Variants in GPAT4 observed in about 807,000 individuals in gnomAD.
GPAT4 encodes the protein 1-AGP acyltransferase 6.
Under a neutral mutation model 58.0 loss-of-function variants are expected in GPAT4, and 17 were observed. That is an observed-to-expected ratio of 0.29 (90% CI 0.20 to 0.44). The LOEUF is 0.44. Ranked by LOEUF, GPAT4 falls within the 20% of genes least tolerant of loss-of-function variation. The pLI is 1.00. For missense variants in GPAT4, 377 were observed against 574.5 expected, an observed-to-expected ratio of 0.66 and a Z score of 3.51; for synonymous variants, 204 against 210.1, an observed-to-expected ratio of 0.97 and a Z score of 0.25.
chr8:41,590,104 T>C (rs1802751442), intron 1 of GPAT4, among the ~76,000 whole-genome samples: 1 of 152,006 alleles, frequency 6.6e-6, no homozygotes, highest in Admixed American at 6.6e-5. Context: ...ACAAGTTCTG[T>C]AGAGCAGGCT....
chr8:41,590,965 A>G (rs1802773979), intron 1 of GPAT4, among the ~76,000 whole-genome samples: 1 of 151,980 alleles, frequency 6.6e-6, no homozygotes, highest in South Asian at 2.1e-4. Flanking sequence ...ATAGTCAAGA[A>G]CCCCTCAGAC....
chr8:41,599,115 G>GCTGGC lies in GPAT4; in HGVS notation c.-15_-11dup, dbSNP rs1563272878. 6.3e-7 allele frequency: 1 copy of GCTGGC among 1,596,760 alleles called. No individual in the cohort carries two copies. The highest frequency in any genetic ancestry group is 8.5e-7 in the Non-Finnish European group (1 of 1,173,948). ...GCAATTTGTTCTTAGGGAGGCAGGT[G>GCTGGC]CTGGCCTGGCCTGGATCTTCCACCA... On this transcript the variant is annotated 5_prime_UTR_variant, in exon 2 of 13. Transcript: ENST00000396987.
At chr8:41,580,650 G>A (rs1430803843) in intron 1 of GPAT4, among the ~76,000 whole-genome samples, 2 of 152,200 alleles carry the variant, frequency 1.3e-5, no homozygotes, top group East Asian at 1.9e-4. Context: ...TTATTTATAT[G>A]ATGACATAGT....
intron 1 of GPAT4, among the ~76,000 whole-genome samples, chr8:41,583,134 G>A (rs774607034): frequency 1.3e-5 from 2 of 152,010 alleles, no homozygotes; most frequent in Non-Finnish European, 2.9e-5. Context: ...GCTGAGGCAC[G>A]AGAATTGCTT....
chr8:41,585,991 T>TG (rs1288682815), intron 1 of GPAT4, among the ~76,000 whole-genome samples: 2 of 152,256 alleles, frequency 1.3e-5, no homozygotes, highest in East Asian at 3.8e-4. Flanking sequence ...ATTCACCTAA[T>TG]GAAAGTATGT....
chr8:41,580,948 C>T lies in GPAT4; in HGVS notation c.-849+2670C>T, dbSNP rs60166722. Reference sequence around the variant, plus strand: ...CTTTTCTTGTGTGTGCTTGTCACCACAAGTTAGCTTTTATTAAAAACAAAA... The same window carrying T: ...CTTTTCTTGTGTGTGCTTGTCACCATAAGTTAGCTTTTATTAAAAACAAAA... On this transcript the variant is annotated intron_variant, in intron 1 of 12. Coordinates refer to ENST00000396987, the MANE Select transcript of GPAT4 (RefSeq NM_178819.4). 2.4e-3 allele frequency among the ~76,000 whole-genome samples: 371 copies of T among 152,292 alleles called. 3 individuals are homozygous for T. Among genetic ancestry groups the T allele is most frequent in the African/African-American group, 8.4e-3 (351 of 41,548 alleles).
chr8:41,622,719 G>A lies in GPAT4; in HGVS notation c.*1718G>A, dbSNP rs561605442. On this transcript the variant is annotated 3_prime_UTR_variant, in exon 13 of 13. Transcript: ENST00000396987. ...AATCTCCTTTTCTCTGCACCTACCT[G>A]TGACCTCCCTGGGAGAGCCTCCCAT... 1 of 152,396 alleles carries A rather than the reference G, an allele frequency of 6.6e-6. No individual in the cohort carries two copies. Among genetic ancestry groups the A allele is most frequent in the South Asian group, 2.1e-4 (1 of 4,830 alleles). The allele number at this position is 152,396 out of a possible 1,614,324, so 9.4% of individuals were successfully genotyped here.
chr8:41,592,731 G>C (rs1239644514), intron 1 of GPAT4, among the ~76,000 whole-genome samples: 1 of 152,106 alleles, frequency 6.6e-6, no homozygotes. Flanking sequence ...GTTCATCATA[G>C]AAAGTTTGAA....
At position 41,599,271 on chromosome 8, in the gene GPAT4, A is replaced by G; in HGVS notation, c.132A>G (p.Lys44=). ...TTGGAGTCTCCTTTGGTATCCGCAA[A>G]CTCTACATGAAAAGTCTGTTAAAAA... ...AIFGVSFGIR[K]LYMKSLLKIF... Residue 44 remains lysine, a synonymous_variant, in exon 2 of 13, where the codon AAA becomes AAG. Coordinates refer to ENST00000396987, the MANE Select transcript of GPAT4 (RefSeq NM_178819.4). 6.2e-7 allele frequency: 1 copy of G among 1,613,746 alleles called. No homozygotes were observed. Among genetic ancestry groups the G allele is most frequent in the Non-Finnish European group, 8.5e-7 (1 of 1,179,934 alleles).
intron 10 of GPAT4, among the ~76,000 whole-genome samples, chr8:41,616,069 A>G (rs772628891): frequency 1.3e-5 from 2 of 152,246 alleles, no homozygotes; most frequent in African/African-American, 2.4e-5. Context: ...AAAGAGGAAC[A>G]TAGTCTGTTA....
intron 1 of GPAT4, among the ~76,000 whole-genome samples, chr8:41,588,861 A>G (rs573607568): frequency 1.8e-4 from 27 of 152,260 alleles, no homozygotes; most frequent in African/African-American, 5.8e-4. Context: ...TTCCTAAAAG[A>G]CTCAGAACTA....
intron 1 of GPAT4, among the ~76,000 whole-genome samples, chr8:41,579,220 T>G (rs2150476147): frequency 6.6e-6 from 1 of 152,326 alleles, no homozygotes; most frequent in South Asian, 2.1e-4. Flanking sequence ...TAACTTTGTA[T>G]TTTGGAGAAT....
At chr8:41,588,955 C>T (rs948623596) in intron 1 of GPAT4, among the ~76,000 whole-genome samples, 4 of 152,202 alleles carry the variant, frequency 2.6e-5, no homozygotes, top group Admixed American at 6.5e-5. Context: ...CATCTGTGGA[C>T]GTTGAGGGAA....
At chr8:41,584,373 C>T (rs1199540717) in intron 1 of GPAT4, among the ~76,000 whole-genome samples, 1 of 152,080 alleles carries the variant, frequency 6.6e-6, no homozygotes, top group African/African-American at 2.4e-5. Flanking sequence ...TTGTAGATAG[C>T]AGTTTTATTT....
At position 41,622,324 on chromosome 8, in the gene GPAT4, G is replaced by A. The variant is rs1803778720; in HGVS notation, c.*1323G>A. Reference sequence around the variant, plus strand: ...GGCTGCAGAGGGGCAGGGTGGGCAGGGCATGTGCTGCATGGCAGCTTCTGC... The same window carrying A: ...GGCTGCAGAGGGGCAGGGTGGGCAGAGCATGTGCTGCATGGCAGCTTCTGC... On this transcript the variant is annotated 3_prime_UTR_variant, in exon 13 of 13. Coordinates refer to ENST00000396987, the MANE Select transcript of GPAT4 (RefSeq NM_178819.4). The A allele has an allele frequency of 6.5e-6, 1 of 153,738 alleles. No homozygotes were observed. The highest frequency in any genetic ancestry group is 2.0e-4 in the South Asian group (1 of 4,888). The allele number at this position is 153,738 out of a possible 1,614,324, so 9.5% of individuals were successfully genotyped here.
intron 2 of GPAT4, among the ~76,000 whole-genome samples, chr8:41,600,007 G>A (rs988393337): frequency 1.4e-5 from 2 of 147,292 alleles, no homozygotes; most frequent in South Asian, 4.3e-4. Context: ...AAATAATACA[G>A]CATTGTTCAT....
chr8:41,602,098 G>A (rs1254109078), intron 2 of GPAT4, among the ~76,000 whole-genome samples: 1 of 152,184 alleles, frequency 6.6e-6, no homozygotes, highest in African/African-American at 2.4e-5. Context: ...GGGATGACAG[G>A]CGCGTGCCAT....
At chr8:41,610,653 G>T (rs1563277481) in intron 4 of GPAT4, 83 bp from the exon 5 acceptor site, 10 of 1,579,286 alleles carry the variant, frequency 6.3e-6, no homozygotes, top group African/African-American at 1.4e-5. Context: ...TTTTTGTGAT[G>T]CCCCCTTTGA....
At chr8:41,607,043 G>A (rs375197521) in intron 2 of GPAT4, among the ~76,000 whole-genome samples, 1 of 152,136 alleles carries the variant, frequency 6.6e-6, no homozygotes, top group Non-Finnish European at 1.5e-5. Flanking sequence ...TGTCAAAGAA[G>A]TATATTTCAG....
Sources: allele counts gnomAD v4.1 joint callset (sites outside exome capture counted in the v4.1 genomes callset), GRCh38; gene constraint gnomAD v4.1.1; transcripts MANE v1.5; gene names NCBI Gene and HGNC (gene_info 2026-07-23, HGNC 2026-07-21).